The following FRAS1 variants were observed in gnomAD, a reference collection of about 807,000 sequenced individuals.
FRAS1 encodes Fraser extracellular matrix complex subunit 1.
In FRAS1, 290 loss-of-function variants were observed where a neutral mutation model predicts 435.2. That is an observed-to-expected ratio of 0.67 (90% CI 0.61 to 0.73). The LOEUF (loss-of-function observed/expected upper bound fraction) is 0.73. Ranked by LOEUF, FRAS1 falls within the 30% of genes least tolerant of loss-of-function variation. The pLI is 0.00. For synonymous variants in FRAS1, 1,800 were observed against 1,851.0 expected (o/e 0.97, Z 0.71); for missense variants, 4,860 against 5,001.5 (o/e 0.97, Z 0.85).
At chr4:78,135,523 T>A (rs974659272) in intron 2 of FRAS1, among the ~76,000 whole-genome samples, 1 of 152,280 alleles carries the variant, frequency 6.6e-6, no homozygotes, top group African/African-American at 2.4e-5. Context: ...TATGTAAGCA[T>A]AAGAGGGATG....
intron 2 of FRAS1, among the ~76,000 whole-genome samples, chr4:78,137,467 A>AT (rs1176534756): frequency 6.6e-6 from 1 of 152,184 alleles, no homozygotes; most frequent in East Asian, 1.9e-4. Context: ...AAGATTATAG[A>AT]TTTTTTATTT....
Position 78,273,253 on chromosome 4 carries a change from C to T in FRAS1, c.982-5402C>T, listed in dbSNP as rs1232622152. On this transcript the variant is annotated intron_variant, in intron 9 of 73. Transcript: ENST00000512123. ...TTTTCTAAATATACAACCATGTCCT[C>T]TGCAAATAGGGACAATTTGACTTCC... Among the ~76,000 whole-genome samples the T allele has an allele frequency of 2.6e-5, 4 of 152,190 alleles. No individual in the cohort carries two copies. In the East Asian group the frequency reaches 7.7e-4, roughly 29 times the overall value.
intron 2 of FRAS1, among the ~76,000 whole-genome samples, chr4:78,119,316 C>T (rs995382517): frequency 6.6e-6 from 1 of 152,082 alleles, no homozygotes; most frequent in African/African-American, 2.4e-5. Flanking sequence ...TATCCTTTAA[C>T]AAATCTCTCC....
chr4:78,215,816 GTATGTA>G (rs1462049178), intron 2 of FRAS1, among the ~76,000 whole-genome samples: 1 of 152,194 alleles, frequency 6.6e-6, no homozygotes, highest in Non-Finnish European at 1.5e-5. Context: ...ATATTCCATT[GTATGTA>G]TTGACTACAT....
rs1177433882 is a variant in FRAS1 at position 78,479,675 on chromosome 4, T to C, written c.8400T>C (p.Thr2800=). Residue 2800 remains threonine, a synonymous_variant, in exon 56 of 74, where the codon ACT becomes ACC. Transcript: ENST00000512123. ...VLISGPNDAS[T]VSLGNTAFTV... The stretch of plus-strand genomic sequence containing the variant: ...TTAGTGGTCCCAACGATGCCTCGAC[T>C]GTGTCCCTGGGCAACACGGCTTTCA... 6.2e-7 allele frequency: 1 copy of C among 1,608,566 alleles called. No individual in the cohort carries two copies. The highest frequency in any genetic ancestry group is 8.5e-7 in the Non-Finnish European group (1 of 1,176,334).
chr4:78,519,346 C>A lies in FRAS1; in HGVS notation c.10405C>A (p.Gln3469Lys), dbSNP rs1334769060. Reference sequence around the variant, plus strand: ...TCCTCGGCAGGTGAGGGACTCTGCCCAGTCCTTCTTGACAGTGCACGTGCC... The same window carrying A: ...TCCTCGGCAGGTGAGGGACTCTGCCAAGTCCTTCTTGACAGTGCACGTGCC... ...TADFQVRDSA[Q>K]SFLTVHVPLY... Residue 3469 changes from glutamine to lysine, a missense_variant, in exon 67 of 74, where the codon CAG (glutamine) becomes AAG (lysine). Transcript: ENST00000512123. The A allele has an allele frequency of 1.9e-6, 3 of 1,563,660 alleles. No individual in the cohort carries two copies. Among genetic ancestry groups the A allele is most frequent in the Non-Finnish European group, 2.6e-6 (3 of 1,160,122 alleles).
intron 70 of FRAS1, among the ~76,000 whole-genome samples, chr4:78,528,267 A>C (rs1006032024): frequency 6.6e-5 from 10 of 152,186 alleles, no homozygotes; most frequent in African/African-American, 2.4e-4. Context: ...TATTATTGAC[A>C]TAAAATTGTA....
chr4:78,317,580 A>G (rs1729330425), intron 17 of FRAS1, 72 bp downstream of exon 17: 2 of 1,392,640 alleles, frequency 1.4e-6, no homozygotes, highest in Non-Finnish European at 1.9e-6. Context: ...TTCCAATAAT[A>G]TAACTTTCCA....
chr4:78,282,791 AC>A, intron 11 of FRAS1, 28 bp from the exon 12 acceptor site: 2 of 1,611,358 alleles, frequency 1.2e-6, no homozygotes, highest in Middle Eastern at 1.7e-4. Context: ...CATCCTGATG[AC>A]AATGCTGTTC....
Position 78,540,680 on chromosome 4 carries a change from T to C in FRAS1, c.11595T>C (p.Asp3865=). ...LVEPDGQLIL[D]DSLIYDNEGD... is the part of the protein sequence containing the mutation. ...AGCCCGATGGCCAGCTGATCCTTGATGATTCCCTCATCTATGACAATGAAG... is the reference window on the plus strand; with the variant it reads ...AGCCCGATGGCCAGCTGATCCTTGACGATTCCCTCATCTATGACAATGAAG... Residue 3865 remains aspartate, a synonymous_variant, in exon 74 of 74, where the codon GAT becomes GAC. Transcript: ENST00000512123. 6.2e-7 allele frequency: 1 copy of C among 1,613,692 alleles called. No homozygotes were observed. Among genetic ancestry groups the C allele is most frequent in the Non-Finnish European group, 8.5e-7 (1 of 1,179,684 alleles).
intron 32 of FRAS1, among the ~76,000 whole-genome samples, chr4:78,413,732 G>A (rs756836313): frequency 1.3e-5 from 2 of 152,212 alleles, no homozygotes; most frequent in Non-Finnish European, 2.9e-5. Context: ...GATGTGTGAT[G>A]AGGATAAGGA....
intron 2 of FRAS1, among the ~76,000 whole-genome samples, chr4:78,194,745 A>G (rs866800919): frequency 2.0e-5 from 3 of 151,786 alleles, no homozygotes; most frequent in African/African-American, 7.3e-5. Context: ...GAGTAGTTTG[A>G]CCATCTGAAG....
At chr4:78,123,934 T>A (rs1719181754) in intron 2 of FRAS1, among the ~76,000 whole-genome samples, 1 of 152,246 alleles carries the variant, frequency 6.6e-6, no homozygotes, top group Non-Finnish European at 1.5e-5. Context: ...AGAGACTATT[T>A]GACTTCCTCT....
intron 2 of FRAS1, among the ~76,000 whole-genome samples, chr4:78,220,595 A>G (rs1301286007): frequency 6.6e-6 from 1 of 152,236 alleles, no homozygotes; most frequent in Non-Finnish European, 1.5e-5. Flanking sequence ...TGTATTGTGG[A>G]AAAGGAACCA....
rs554516913 is a variant in FRAS1 at position 78,541,096 on chromosome 4, A to G, written c.12011A>G (p.Asn4004Ser). The G allele has an allele frequency of 7.3e-5, 101 of 1,386,874 alleles. No individual in the cohort carries two copies. The highest frequency in any genetic ancestry group is 1.9e-4 in the Middle Eastern group (1 of 5,146). 85.9% of individuals were successfully genotyped at this position (1,386,874 alleles called of 1,614,324 possible). A position where few individuals can be genotyped will look rare whatever the true frequency, so the allele number is the denominator to read the frequency against. ...CTGAATCTAGAAGTCAGAGTTCACA[A>G]CAATTTACAAGATGGAACAGAAGTT... The part of the protein sequence containing the change: ...KRLNLEVRVH[N>S]NLQDGTEV Residue 4004 changes from asparagine (N) to serine (S), a missense_variant, in exon 74 of 74, where the codon AAC becomes AGC. By Grantham distance (46) the Asn-to-Ser change is conservative. Coordinates refer to ENST00000512123, the MANE Select transcript of FRAS1 (RefSeq NM_025074.7).
At chr4:78,098,564 C>T (rs752378201) in intron 2 of FRAS1, among the ~76,000 whole-genome samples, 26 of 152,036 alleles carry the variant, frequency 1.7e-4, no homozygotes, top group Admixed American at 7.2e-4. Context: ...CGTGAACCAC[C>T]GCTCCTGGCA....
chr4:78,411,108 A>ATTTTTTTTTTTTTTTTTTTTTTTTT (rs369399937), intron 31 of FRAS1, among the ~76,000 whole-genome samples: 1 of 142,854 alleles, frequency 7.0e-6, no homozygotes. Context: ...AGTTGCATGG[A>ATTTTTTTTTTTTTTTTTTTTTTTTT]TTTTTTTTCT....
chr4:78,339,393 G>A (rs1246601992), intron 20 of FRAS1, among the ~76,000 whole-genome samples: 1 of 152,198 alleles, frequency 6.6e-6, no homozygotes, highest in East Asian at 1.9e-4. Context: ...TACTTAAGGA[G>A]GTGAACCAAA....
chr4:78,337,422 G>T (rs547911373), intron 19 of FRAS1, among the ~76,000 whole-genome samples: 1 of 152,220 alleles, frequency 6.6e-6, no homozygotes, highest in East Asian at 1.9e-4. Flanking sequence ...GGTCTCTCTG[G>T]AATGTGTGGC....
Sources: gnomAD v4.1 joint callset for allele counts (sites outside exome capture counted in the v4.1 genomes callset) on GRCh38, gnomAD v4.1.1 for gene constraint, MANE v1.5 for transcripts, NCBI Gene and HGNC (gene_info 2026-07-23, HGNC 2026-07-21) for gene names.